PTGER3: variants seen among roughly 807,000 people sequenced by gnomAD.
PTGER3 encodes the protein prostaglandin E2 receptor EP3 subtype.
Under a neutral mutation model 34.7 loss-of-function variants are expected in PTGER3, and 22 were observed. The ratio of observed to expected loss-of-function variants is 0.63; its 90% CI spans 0.45 to 0.91. The LOEUF is 0.91. PTGER3 is among the 40% of genes least tolerant of loss of function. The probability of loss-of-function intolerance (pLI) is 0.00; values close to 1 mark genes in which losing one functional copy is unlikely to be tolerated. For synonymous variants in PTGER3, 241 were observed against 230.1 expected (o/e 1.05, Z -0.43); for missense variants, 468 against 519.4 (o/e 0.90, Z 0.96).
rs1457475535 is a variant in PTGER3, at chr1:70,990,384, CACAT to C, written c.1078-16000_1078-15997del. On this transcript the variant is annotated intron_variant, in intron 2 of 3. Coordinates refer to ENST00000306666, the MANE Select transcript of PTGER3 (RefSeq NM_198719.2). The stretch of plus-strand genomic sequence containing the variant: ...ACACACACACACACACACACACACA[CACAT>C]ATATATATATATAAAATACATATTA... Among the ~76,000 whole-genome samples, 223 of 99,948 alleles carry C rather than the reference CACAT, an allele frequency of 2.2e-3. 2 individuals are homozygous for C. Among genetic ancestry groups the C allele is most frequent in the African/African-American group, 6.8e-3 (201 of 29,668 alleles). 65.6% of individuals were successfully genotyped at this position (99,948 alleles called of 152,430 possible). A position where few individuals can be genotyped will look rare whatever the true frequency, so the allele number is the denominator to read the frequency against.
At chr1:70,902,062 C>T (rs769903948) in intron 4 of PTGER3, among the ~76,000 whole-genome samples, 1 of 151,946 alleles carries the variant, frequency 6.6e-6, no homozygotes, top group South Asian at 2.1e-4. Context: ...ATAGACTCTC[C>T]ACCCGAAAAA....
At chr1:70,901,479 C>A (rs1646837405) in intron 4 of PTGER3, among the ~76,000 whole-genome samples, 1 of 152,124 alleles carries the variant, frequency 6.6e-6, no homozygotes, top group Non-Finnish European at 1.5e-5. Flanking sequence ...TCAGAGGAAT[C>A]CATTGTCAAT....
chr1:70,997,371 C>T (rs1190390550), intron 2 of PTGER3, among the ~76,000 whole-genome samples: 1 of 151,964 alleles, frequency 6.6e-6, no homozygotes, highest in African/African-American at 2.4e-5. Context: ...TAATATTGTA[C>T]AAAAATTTGG....
downstream of PTGER3, among the ~76,000 whole-genome samples, chr1:70,968,337 C>T (rs573634460): frequency 1.3e-5 from 2 of 152,298 alleles, no homozygotes; most frequent in South Asian, 4.1e-4. Context: ...CAGAACTTTA[C>T]AGTAGTTACT....
downstream of PTGER3, among the ~76,000 whole-genome samples, chr1:70,970,375 G>C (rs1419736336): frequency 5.3e-5 from 8 of 152,128 alleles, no homozygotes; most frequent in Admixed American, 5.2e-4. Context: ...TAAAGGGATT[G>C]TGTACAGCAT....
intron 2 of PTGER3, among the ~76,000 whole-genome samples, chr1:70,983,724 T>C (rs1445126076): frequency 6.6e-6 from 1 of 151,836 alleles, no homozygotes; most frequent in African/African-American, 2.4e-5. Context: ...CCCAGCTCTA[T>C]AAAGGTAAAA....
At chr1:71,017,389 GC>G (rs1270295486) in intron 1 of PTGER3, among the ~76,000 whole-genome samples, 3 of 152,162 alleles carry the variant, frequency 2.0e-5, no homozygotes, top group African/African-American at 7.2e-5. Flanking sequence ...AAGTAATGCA[GC>G]CCTGTAGCAC....
chr1:70,973,049 A>C (rs1237956044), intron 3 of PTGER3, among the ~76,000 whole-genome samples: 2 of 88,034 alleles, frequency 2.3e-5, no homozygotes, highest in South Asian at 5.2e-4. Flanking sequence ...GAAACAAGTT[A>C]TCTCTCTTCG....
chr1:70,870,876 A>T (rs1175264868), intron 4 of PTGER3, among the ~76,000 whole-genome samples: 2 of 152,216 alleles, frequency 1.3e-5, no homozygotes, highest in Non-Finnish European at 1.5e-5. Context: ...GGTTACAACC[A>T]TTTAATGGGT....
At chr1:70,877,738 T>C (rs1646303393) in intron 4 of PTGER3, among the ~76,000 whole-genome samples, 1 of 152,222 alleles carries the variant, frequency 6.6e-6, no homozygotes, top group African/African-American at 2.4e-5. Context: ...GCTCTGTTTA[T>C]GTGGTAAATC....
In PTGER3 at chr1:71,047,464, C is replaced by T; in HGVS notation, c.114G>A (p.Thr38=). ...AATCCTCGCCAGACCCTGGAGGGCG[C>T]GTGAGGTTGCCCCGCGCCTCGGCGG... The part of the protein sequence containing the change: ...ERSAEARGNL[T]RPPGSGEDCG... The change falls in exon 1 of 4, where the codon ACG becomes ACA. Residue 38 remains threonine, a synonymous_variant. Transcript: ENST00000306666. The T allele has an allele frequency of 6.2e-7, 1 of 1,609,732 alleles. No individual in the cohort carries two copies. The highest frequency in any genetic ancestry group is 8.5e-7 in the Non-Finnish European group (1 of 1,179,020).
At chr1:71,005,890 T>G (rs1162600138) in intron 2 of PTGER3, 2 of 900,516 alleles carry the variant, frequency 2.2e-6, no homozygotes, top group Non-Finnish European at 2.7e-6. Context: ...TGTATTTATT[T>G]TAATAATCAC....
intron 4 of PTGER3, among the ~76,000 whole-genome samples, chr1:70,920,295 CTT>C (rs942520017): frequency 1.3e-5 from 2 of 152,174 alleles, no homozygotes; most frequent in African/African-American, 4.8e-5. Flanking sequence ...CCCTTCCAGA[CTT>C]GTGGTTACTT....
intron 4 of PTGER3, among the ~76,000 whole-genome samples, chr1:70,941,129 T>G (rs1649717984): frequency 6.6e-6 from 1 of 152,206 alleles, no homozygotes; most frequent in Non-Finnish European, 1.5e-5. Flanking sequence ...TCAATGACAG[T>G]GCATATCTAA....
At chr1:70,884,022 G>T (rs13306010) in intron 4 of PTGER3, 2 of 374,478 alleles carry the variant, frequency 5.3e-6, no homozygotes, top group East Asian at 1.2e-4. Context: ...AGGAGGTGAA[G>T]GTTGCAGTGA....
At chr1:70,897,802 G>A (rs991350846) in intron 4 of PTGER3, among the ~76,000 whole-genome samples, 5 of 152,092 alleles carry the variant, frequency 3.3e-5, no homozygotes, top group Non-Finnish European at 7.4e-5. Flanking sequence ...TGTTTGTTTT[G>A]CATTTATTGA....
chr1:70,926,896 GT>G (rs1239353310), intron 4 of PTGER3, among the ~76,000 whole-genome samples: 1 of 152,044 alleles, frequency 6.6e-6, no homozygotes, highest in African/African-American at 2.4e-5. Context: ...ATGAAGCGTT[GT>G]TGAATTTTGT....
intron 3 of PTGER3, among the ~76,000 whole-genome samples, chr1:70,973,190 G>C (rs942241793): frequency 4.7e-5 from 7 of 148,716 alleles, no homozygotes; most frequent in African/African-American, 1.7e-4. Flanking sequence ...TAGATACATA[G>C]ATATAGATAG....
intron 4 of PTGER3, among the ~76,000 whole-genome samples, chr1:70,885,959 C>T (rs1333257945): frequency 1.3e-5 from 2 of 152,024 alleles, no homozygotes; most frequent in Admixed American, 6.6e-5. Flanking sequence ...CAGGAATGAC[C>T]CTAAGTACTT....
Sources: gnomAD v4.1 joint callset for allele counts (sites outside exome capture counted in the v4.1 genomes callset) on GRCh38, gnomAD v4.1.1 for gene constraint, MANE v1.5 for transcripts, NCBI Gene and HGNC (gene_info 2026-07-23, HGNC 2026-07-21) for gene names.